Variants in SLC25A22 observed in about 807,000 individuals in gnomAD.
The protein encoded by SLC25A22 is mitochondrial glutamate carrier 1.
In SLC25A22, 23 loss-of-function variants were observed where a neutral mutation model predicts 33.7. That is an observed-to-expected ratio of 0.68 (90% CI 0.49 to 0.97). The LOEUF is 0.97. SLC25A22 is among the 50% of genes least tolerant of loss of function. The probability of loss-of-function intolerance (pLI) is 0.00; values close to 1 mark genes in which losing one functional copy is unlikely to be tolerated. For missense variants in SLC25A22, 390 were observed against 451.1 expected (o/e 0.86, Z 1.23); for synonymous variants, 245 against 203.8 (o/e 1.20, Z -1.72).
intron 1 of SLC25A22, chr11:795,447 G>A (rs552601301): frequency 2.2e-5 from 7 of 320,834 alleles, no homozygotes; most frequent in African/African-American, 1.7e-4. Context: ...ACCCCAGCCA[G>A]CTCCGGCTTT....
chr11:797,538 A>G, intron 1 of SLC25A22: 1 of 398,006 alleles, frequency 2.5e-6, no homozygotes, highest in Non-Finnish European at 4.4e-6. Context: ...AGACCACCCC[A>G]CAGGAAGATA....
chr11:797,820 C>T (rs1009788962), intron 1 of SLC25A22: 4 of 398,612 alleles, frequency 1.0e-5, no homozygotes, highest in Non-Finnish European at 1.8e-5. Context: ...CCGGCTCAGG[C>T]CCCTGCCCTA....
At chr11:793,835 G>A (rs1420071990) in intron 4 of SLC25A22, 2 of 600,352 alleles carry the variant, frequency 3.3e-6, no homozygotes, top group African/African-American at 3.7e-5. Flanking sequence ...CATGCCCACT[G>A]CAGCTCCATC....
At chr11:796,508 C>T (rs899285488) in intron 1 of SLC25A22, 3 of 152,320 alleles carry the variant, frequency 2.0e-5, no homozygotes, top group Non-Finnish European at 4.4e-5. Context: ...TGGGTTGAAC[C>T]CTATAGCATT....
chr11:794,059 A>G (rs1590120930), intron 4 of SLC25A22: 2 of 491,170 alleles, frequency 4.1e-6, no homozygotes, highest in East Asian at 4.1e-5. Flanking sequence ...CCGAAGGCTC[A>G]GGGCTGGAGA....
Position 792,377 on chromosome 11 carries a change from C to A in SLC25A22, c.669G>T (p.Ser223=). ...QLGRPASEEK[S]PFYVSFLAGC... is the part of the protein sequence containing the mutation. ...CGGCCAGGAAGGACACGTAGAAAGG[C>A]GACTTCTCCTCGGACGCCGGGCGGC... The change falls in exon 8 of 10, where the codon TCG becomes TCT. Residue 223 remains serine (S), a synonymous_variant. Coordinates refer to ENST00000628067, the MANE Select transcript of SLC25A22 (RefSeq NM_001191061.2). 2 of 1,613,310 alleles carry A rather than the reference C, an allele frequency of 1.2e-6. No homozygotes were observed. The highest frequency in any genetic ancestry group is 1.7e-6 in the Non-Finnish European group (2 of 1,179,960).
chr11:794,911 CA>C lies in SLC25A22; in HGVS notation c.21-11del, dbSNP rs1346428784. 5 of 1,564,190 alleles carry C rather than the reference CA, an allele frequency of 3.2e-6. No individual in the cohort carries two copies. Among genetic ancestry groups the C allele is most frequent in the South Asian group, 1.2e-5 (1 of 84,968 alleles). On this transcript the variant is annotated splice_polypyrimidine_tract_variant and intron_variant, in intron 2 of 9. Transcript: ENST00000628067. The stretch of plus-strand genomic sequence containing the variant: ...GAGCTTGGCTGGCAGGCTGTGTGGA[CA>C]GGGGTGTCAGGACCGGCTTCCTTGA...
At chr11:793,970 G>A (rs1864663014) in intron 4 of SLC25A22, 2 of 473,436 alleles carry the variant, frequency 4.2e-6, no homozygotes, top group Non-Finnish European at 7.8e-6. Context: ...GCAGGGGGCT[G>A]GGGCCAGAGG....
intron 3 of SLC25A22, 111 bp from the exon 4 acceptor site, chr11:794,624 A>ACC: frequency 6.5e-7 from 1 of 1,526,754 alleles, no homozygotes; most frequent in South Asian, 1.2e-5. Context: ...CCCAGCCCCG[A>ACC]CCCCAGTCCT....
In SLC25A22 at chr11:792,958, C is replaced by G. The variant is rs776563859; in HGVS notation, c.324G>C (p.Leu108=). The change falls in exon 6 of 10, where the codon CTG becomes CTC. Residue 108 remains leucine, a synonymous_variant. Coordinates refer to ENST00000628067, the MANE Select transcript of SLC25A22 (RefSeq NM_001191061.2). ...GGCAGGTGCCAGCCCCACAGCCCGC[C>G]AGCATCTCTTTAAGCAGGGTCAGCT... ...GQKLTLLKEM[L]AGCGAGTCQV... is the part of the protein sequence containing the mutation. 6.2e-7 allele frequency: 1 copy of G among 1,613,516 alleles called. No individual in the cohort carries two copies. Among genetic ancestry groups the G allele is most frequent in the South Asian group, 1.1e-5 (1 of 91,084 alleles).
Position 794,778 on chromosome 11 carries a change from G to A in SLC25A22, c.144C>T (p.Ser48=), listed in dbSNP as rs1269231857. The part of the protein sequence containing the change: ...NQQNGQRVYT[S]MSDCLIKTVR... ...CCGCGACCGCCCGGCACACTCACAT[G>A]CTCGTGTACACGCGCTGGCCGTTCT... is the stretch of plus-strand genomic sequence containing the variant. The change falls in exon 3 of 10, where the codon AGC becomes AGT. Residue 48 remains serine (S), a splice_region_variant and synonymous_variant. Transcript: ENST00000628067. 1 of 1,599,544 alleles carries A rather than the reference G, an allele frequency of 6.3e-7. No individual in the cohort carries two copies. Among genetic ancestry groups the A allele is most frequent in the Non-Finnish European group, 8.5e-7 (1 of 1,174,720 alleles).
At chr11:796,607 C>T (rs142157287) in intron 1 of SLC25A22, among the ~76,000 whole-genome samples, 2 of 152,300 alleles carry the variant, frequency 1.3e-5, no homozygotes, top group Admixed American at 1.3e-4. Context: ...ACAGGGAATC[C>T]GGTGCTGTGG....
intron 1 of SLC25A22, 48 bp downstream of exon 1, chr11:798,169 C>T (rs1041597612): frequency 4.8e-5 from 19 of 397,746 alleles, no homozygotes; most frequent in African/African-American, 3.5e-4. Context: ...GCAGCCCGGC[C>T]GCGTTCGGAT....
chr11:794,713 A>C (rs1488939937), intron 3 of SLC25A22, 63 bp downstream of exon 3: 2 of 1,566,066 alleles, frequency 1.3e-6, no homozygotes, highest in East Asian at 4.6e-5. Context: ...ACAGGAGCAG[A>C]GCCCCCACCT....
intron 7 of SLC25A22, 45 bp from the exon 8 acceptor site, chr11:792,503 G>C (rs1864580976): frequency 6.2e-7 from 1 of 1,612,530 alleles, no homozygotes; most frequent in South Asian, 1.1e-5. Context: ...TGGTGGGGTG[G>C]GCAGGCCGGC....
Position 791,000 on chromosome 11 carries a change from C to T in SLC25A22, c.*915G>A, listed in dbSNP as rs2133692889. On this transcript the variant is annotated 3_prime_UTR_variant, in exon 10 of 10. Transcript: ENST00000628067. ...AGGCACCCTCAGGCTCCACACTGGT[C>T]CCAATGCCCGCCCTGCTCCCTGGCC... The T allele has an allele frequency of 6.6e-6, 1 of 152,372 alleles. No individual in the cohort carries two copies. The highest frequency in any genetic ancestry group is 6.5e-5 in the Admixed American group (1 of 15,298). 9.4% of individuals were successfully genotyped at this position (152,372 alleles called of 1,614,324 possible).
At chr11:798,088 CT>C (rs1204379043) in intron 1 of SLC25A22, 128 bp downstream of exon 1, 8 of 398,180 alleles carry the variant, frequency 2.0e-5, no homozygotes, top group Non-Finnish European at 3.1e-5. Flanking sequence ...AGGACCCCCC[CT>C]CCCGCCCGCC....
intron 5 of SLC25A22, 132 bp from the exon 6 acceptor site, chr11:793,120 C>A: frequency 2.4e-6 from 2 of 831,994 alleles, no homozygotes; most frequent in Non-Finnish European, 3.9e-6. Context: ...GGGGGTACAG[C>A]CCCCAGCCTC....
intron 4 of SLC25A22, 150 bp downstream of exon 4, chr11:794,308 C>T (rs1449375557): frequency 1.1e-6 from 1 of 932,864 alleles, no homozygotes; most frequent in Non-Finnish European, 1.7e-6. Flanking sequence ...CCAGTCCCCC[C>T]TGCACAGGCA....
Sources: allele counts gnomAD v4.1 joint callset (sites outside exome capture counted in the v4.1 genomes callset), GRCh38; gene constraint gnomAD v4.1.1; transcripts MANE v1.5; gene names NCBI Gene and HGNC (gene_info 2026-07-23, HGNC 2026-07-21).